Variants in PSMA1 observed in about 807,000 individuals in gnomAD.
The protein encoded by PSMA1 is proteasome 20S subunit alpha 1, also known as proteasome subunit alpha type-1.
In PSMA1, 3 loss-of-function variants were observed where a neutral mutation model predicts 38.4. The ratio of observed to expected loss-of-function variants is 0.08; its 90% CI spans 0.04 to 0.20. The LOEUF is 0.20. Among genes scored for constraint, PSMA1 ranks in the 10% least tolerant of loss-of-function variants. PSMA1 has a pLI of 1.00. For missense variants in PSMA1, 227 were observed against 325.3 expected (o/e 0.70, Z 2.32); for synonymous variants, 101 against 107.1 (o/e 0.94, Z 0.35).
intron 1 of PSMA1, among the ~76,000 whole-genome samples, chr11:14,616,266 C>T (rs1852772691): frequency 7.5e-6 from 1 of 133,028 alleles, no homozygotes; most frequent in Non-Finnish European, 1.5e-5. Context: ...CAGAGTCTTG[C>T]TCTGTCACCC....
intron 2 of PSMA1, among the ~76,000 whole-genome samples, chr11:14,594,759 C>T (rs781422286): frequency 2.2e-4 from 33 of 151,924 alleles, no homozygotes; most frequent in Non-Finnish European, 3.4e-4. Flanking sequence ...AAATGCATAA[C>T]GTTTCTTTTT....
chr11:14,558,273 A>G (rs1851964786), intron 2 of PSMA1, among the ~76,000 whole-genome samples: 1 of 141,574 alleles, frequency 7.1e-6, no homozygotes, highest in Non-Finnish European at 1.5e-5. Flanking sequence ...AAAAAAAAAT[A>G]CTGTGCATGG....
chr11:14,547,938 A>G (rs1463397461), intron 2 of PSMA1, among the ~76,000 whole-genome samples: 1 of 152,100 alleles, frequency 6.6e-6, no homozygotes, highest in African/African-American at 2.4e-5. Context: ...GATGGAGCAG[A>G]GGTCCCAGAG....
chr11:14,552,820 CTT>C lies in PSMA1; in HGVS notation c.22-33781_22-33780del, dbSNP rs34932699. 8.7e-3 allele frequency among the ~76,000 whole-genome samples: 1,066 copies of C among 121,990 alleles called. 11 individuals carry two copies. The highest frequency in any genetic ancestry group is 0.03 in the African/African-American group (903 of 30,556). The allele number at this position is 121,990 out of a possible 152,430, so 80.0% of individuals were successfully genotyped here. ...AAGTTTTATTATAGAGCTTATATAA[CTT>C]TTTTTTTTTTTTTTTTTTTGAGACA... is the stretch of plus-strand genomic sequence containing the variant. On this transcript the variant is annotated intron_variant, in intron 2 of 10. Coordinates refer to the PSMA1 transcript ENST00000418988.
intron 2 of PSMA1, among the ~76,000 whole-genome samples, chr11:14,569,455 C>T (rs1449910203): frequency 2.6e-5 from 4 of 152,174 alleles, no homozygotes; most frequent in African/African-American, 9.7e-5. Context: ...AATTCCCTTT[C>T]CTAGCCAAGG....
chr11:14,523,050 T>G (rs923976283), upstream of PSMA1, among the ~76,000 whole-genome samples: 2 of 152,182 alleles, frequency 1.3e-5, no homozygotes, highest in Non-Finnish European at 2.9e-5. Context: ...TAAGCAAATA[T>G]CTGGGGCTTT....
At chr11:14,601,363 T>C (rs1337471420) in intron 2 of PSMA1, among the ~76,000 whole-genome samples, 1 of 152,206 alleles carries the variant, frequency 6.6e-6, no homozygotes, top group Admixed American at 6.5e-5. Flanking sequence ...AACTAAGTTC[T>C]AGCCTCCTGG....
chr11:14,602,457 TC>T (rs1852594047), intron 2 of PSMA1, among the ~76,000 whole-genome samples: 1 of 151,974 alleles, frequency 6.6e-6, no homozygotes, highest in Non-Finnish European at 1.5e-5. Flanking sequence ...CTTTTAGACT[TC>T]CAGAGGTATG....
intron 2 of PSMA1, among the ~76,000 whole-genome samples, chr11:14,598,112 GAC>G (rs1475801529): frequency 6.6e-6 from 1 of 152,188 alleles, no homozygotes; most frequent in Non-Finnish European, 1.5e-5. Flanking sequence ...TGGTCTGAGA[GAC>G]AGTTTGTTAT....
chr11:14,507,478 T>G (rs1414185168), intron 9 of PSMA1, 178 bp downstream of exon 9: 1 of 556,208 alleles, frequency 1.8e-6, no homozygotes, highest in Non-Finnish European at 3.1e-6. Flanking sequence ...CTTTTTGTGT[T>G]TATGGAGATC....
intron 2 of PSMA1, among the ~76,000 whole-genome samples, chr11:14,601,688 G>A (rs995864817): frequency 6.6e-6 from 1 of 152,128 alleles, no homozygotes; most frequent in African/African-American, 2.4e-5. Context: ...ATTTATAGAT[G>A]CCTTAAGAAG....
intron 2 of PSMA1, among the ~76,000 whole-genome samples, chr11:14,587,581 C>A (rs1240756840): frequency 1.3e-5 from 2 of 152,022 alleles, no homozygotes; most frequent in Non-Finnish European, 2.9e-5. Context: ...CTCTGAAAGA[C>A]CTGTTTTTTT....
intron 1 of PSMA1, among the ~76,000 whole-genome samples, chr11:14,642,661 C>A (rs935236348): frequency 6.6e-6 from 1 of 152,128 alleles, no homozygotes; most frequent in Non-Finnish European, 1.5e-5. Context: ...GAAATGCAGT[C>A]CGGTCATGAG....
chr11:14,611,311 G>C (rs1326497495), intron 1 of PSMA1, among the ~76,000 whole-genome samples: 1 of 152,134 alleles, frequency 6.6e-6, no homozygotes, highest in Non-Finnish European at 1.5e-5. Context: ...CCCACGTGGA[G>C]GGAAATATCA....
At chr11:14,563,213 G>A (rs1206161245) in intron 2 of PSMA1, among the ~76,000 whole-genome samples, 1 of 152,124 alleles carries the variant, frequency 6.6e-6, no homozygotes, top group East Asian at 1.9e-4. Context: ...GTTTCCTGCT[G>A]ACCACTTGAG....
chr11:14,603,117 T>C (rs767345528), intron 2 of PSMA1, among the ~76,000 whole-genome samples: 4 of 152,302 alleles, frequency 2.6e-5, no homozygotes, highest in East Asian at 1.9e-4. Context: ...CAAAATTACA[T>C]TGGTGCCAGT....
rs543735539 is a variant in PSMA1 at position 14,564,315 on chromosome 11, CT to C, written c.22-45275del. On this transcript the variant is annotated intron_variant, in intron 2 of 10. Coordinates refer to the PSMA1 transcript ENST00000418988. ...ATCACACAATGTGTAAATTTTTGGCCTTTTTTTTCATTCAGCATAATTCTCT... is the reference window on the plus strand; with the variant it reads ...ATCACACAATGTGTAAATTTTTGGCCTTTTTTTCATTCAGCATAATTCTCT... 2.5e-3 allele frequency among the ~76,000 whole-genome samples: 386 copies of C among 152,050 alleles called. 1 individual carries two copies. Among genetic ancestry groups the C allele is most frequent in the African/African-American group, 8.8e-3 (366 of 41,490 alleles).
chr11:14,587,150 C>T (rs1193753139), intron 2 of PSMA1, among the ~76,000 whole-genome samples: 1 of 152,136 alleles, frequency 6.6e-6, no homozygotes, highest in African/African-American at 2.4e-5. Context: ...AGATCCATTC[C>T]CACCCTTTCC....
intron 2 of PSMA1, among the ~76,000 whole-genome samples, chr11:14,546,254 T>G (rs763240504): frequency 6.6e-6 from 1 of 151,986 alleles, no homozygotes; most frequent in Non-Finnish European, 1.5e-5. Flanking sequence ...GAGGGTTGCT[T>G]ATGTAGGAGT....
Sources: allele counts gnomAD v4.1 joint callset (sites outside exome capture counted in the v4.1 genomes callset), GRCh38; gene constraint gnomAD v4.1.1; transcripts MANE v1.5; gene names NCBI Gene and HGNC (gene_info 2026-07-23, HGNC 2026-07-21).